DDX6: variants seen among roughly 807,000 people sequenced by gnomAD.
DDX6 encodes the protein DEAD-box helicase 6, also known as probable ATP-dependent RNA helicase DDX6.
DDX6 carries 7 observed loss-of-function variants against 60.6 expected under a neutral mutation model. The observed-to-expected ratio is 0.12, with a 90% CI of 0.07 to 0.22. DDX6 has a LOEUF of 0.22. Among genes scored for constraint, DDX6 ranks in the 10% least tolerant of loss-of-function variants. The pLI is 1.00. For missense variants in DDX6, 270 were observed against 589.9 expected, an observed-to-expected ratio of 0.46 and a Z score of 5.62; for synonymous variants, 207 against 201.0, an observed-to-expected ratio of 1.03 and a Z score of -0.25.
chr11:118,785,882 G>A (rs1862057410), intron 2 of DDX6, 170 bp downstream of exon 2: 8 of 547,284 alleles, frequency 1.5e-5, no homozygotes. Context: ...AATTATGGCA[G>A]AAATATATTA....
chr11:118,787,350 A>C (rs1482429467), intron 1 of DDX6: 1 of 152,306 alleles, frequency 6.6e-6, no homozygotes, highest in Non-Finnish European at 1.5e-5. Context: ...AGCGCCTGTA[A>C]TTCCAGCTAC....
intron 6 of DDX6, among the ~76,000 whole-genome samples, chr11:118,764,587 G>A (rs1861285873): frequency 6.6e-6 from 1 of 151,898 alleles, no homozygotes; most frequent in African/African-American, 2.4e-5. Flanking sequence ...GGTGGATCAC[G>A]AGGTCAGGAG....
Position 118,758,810 on chromosome 11 carries a change from G to C in DDX6, c.957C>G (p.Arg319=), listed in dbSNP as rs369815914. The C allele has an allele frequency of 2.1e-4, 334 of 1,613,532 alleles. No individual in the cohort carries two copies. The highest frequency in any genetic ancestry group is 2.7e-4 in the Non-Finnish European group (314 of 1,179,792). The stretch of plus-strand genomic sequence containing the variant: ...GTGTGTTGAGGCAGTGTACTTTTTG[G>C]CGCTCAGTTACATATGCGTAGTACT... ...VTQYYAYVTE[R]QKVHCLNTLF... Residue 319 remains arginine, a synonymous_variant, in exon 9 of 14, where the codon CGC becomes CGG. Coordinates refer to ENST00000534980, the MANE Select transcript of DDX6 (RefSeq NM_004397.6).
At chr11:118,769,054 G>A (rs1555161880) in intron 4 of DDX6, among the ~76,000 whole-genome samples, 2 of 141,150 alleles carry the variant, frequency 1.4e-5, no homozygotes, top group African/African-American at 5.3e-5. Flanking sequence ...CATTATGGGA[G>A]GCCAAAGCAA....
At position 118,758,911 on chromosome 11, in the gene DDX6, G is replaced by A. The variant is rs1555159589; in HGVS notation, c.865-9C>T. The stretch of plus-strand genomic sequence containing the variant: ...TTCTGCAAATGGGAATTCTGGGGGG[G>A]GAGCGGGAAAAAGATGAGTCGTCGT... On this transcript the variant is annotated splice_polypyrimidine_tract_variant and intron_variant, in intron 8 of 13. Coordinates refer to ENST00000534980, the MANE Select transcript of DDX6 (RefSeq NM_004397.6). 2 of 1,612,490 alleles carry A rather than the reference G, an allele frequency of 1.2e-6. No homozygotes were observed.
Position 118,760,059 on chromosome 11 carries a change from AAAGAC to A in DDX6, c.742-20_742-16del. 6.2e-7 allele frequency: 1 copy of A among 1,608,212 alleles called. No individual in the cohort carries two copies. Among genetic ancestry groups the A allele is most frequent in the South Asian group, 1.1e-5 (1 of 90,168 alleles). Reference sequence around the variant, plus strand: ...AACTTATCTGCCTGCAGTAGAAAGAAAAGACAATTTTAAAAACAATAAAATAATGT... The same window carrying A: ...AACTTATCTGCCTGCAGTAGAAAGAAAATTTTAAAAACAATAAAATAATGT... On this transcript the variant is annotated splice_polypyrimidine_tract_variant and intron_variant, in intron 7 of 13. Coordinates refer to ENST00000534980, the MANE Select transcript of DDX6 (RefSeq NM_004397.6).
intron 3 of DDX6, among the ~76,000 whole-genome samples, chr11:118,780,597 A>G (rs1344930011): frequency 3.3e-5 from 5 of 152,158 alleles, no homozygotes; most frequent in African/African-American, 1.2e-4. Flanking sequence ...GAATACAGGC[A>G]AGAGCCACTG....
intron 1 of DDX6, chr11:118,786,982 T>C (rs1441830149): frequency 1.3e-5 from 2 of 152,230 alleles, no homozygotes; most frequent in Non-Finnish European, 2.9e-5. Flanking sequence ...AAGTGAGCTT[T>C]TGACTTGAAC....
chr11:118,760,544 C>T (rs1012876516), intron 7 of DDX6, among the ~76,000 whole-genome samples: 1 of 152,146 alleles, frequency 6.6e-6, no homozygotes. Context: ...GGGTTCTGGC[C>T]GGGCGCGGTG....
In DDX6 at chr11:118,760,048, C is replaced by T; in HGVS notation, c.742-4G>A. On this transcript the variant is annotated splice_region_variant and splice_polypyrimidine_tract_variant and intron_variant, in intron 7 of 13. Coordinates refer to ENST00000534980, the MANE Select transcript of DDX6 (RefSeq NM_004397.6). The stretch of plus-strand genomic sequence containing the variant: ...CCTGTGACAGCAACTTATCTGCCTG[C>T]AGTAGAAAGAAAAGACAATTTTAAA... 1 of 1,609,404 alleles carries T rather than the reference C, an allele frequency of 6.2e-7. No homozygotes were observed. Among genetic ancestry groups the T allele is most frequent in the Non-Finnish European group, 8.5e-7 (1 of 1,178,672 alleles).
chr11:118,778,345 G>C (rs1301032027), intron 4 of DDX6, among the ~76,000 whole-genome samples: 1 of 152,148 alleles, frequency 6.6e-6, no homozygotes, highest in Non-Finnish European at 1.5e-5. Flanking sequence ...AGTTTCTCAA[G>C]CTCAGCACTA....
chr11:118,786,170 T>G lies in DDX6; in HGVS notation c.82A>C (p.Thr28Pro). Residue 28 changes from threonine to proline, a missense_variant, in exon 2 of 14, where the codon ACT becomes CCT. Thr to Pro is a conservative substitution (Grantham distance 38, BLOSUM62 -1). This residue lies in a region of DDX6 where 102 missense variants were observed against 110.5 expected (regional missense o/e 0.92). Coordinates refer to ENST00000534980, the MANE Select transcript of DDX6 (RefSeq NM_004397.6). Reference sequence around the variant, plus strand: ...GTGCCCCCTCCTCCAGGGCCACCAGTGGGTTTCACAGGGCCTCTCAGCTGA... The same window carrying G: ...GTGCCCCCTCCTCCAGGGCCACCAGGGGGTTTCACAGGGCCTCTCAGCTGA... Reference protein sequence around the residue: ...NGQLRGPVKPTGGPGGGGTQT... With the variant: ...NGQLRGPVKPPGGPGGGGTQT... 1 of 1,613,978 alleles carries G rather than the reference T, an allele frequency of 6.2e-7. No homozygotes were observed.
chr11:118,754,553 C>A (rs1860898113), intron 13 of DDX6, 152 bp downstream of exon 13: 2 of 635,648 alleles, frequency 3.1e-6, no homozygotes, highest in East Asian at 3.0e-5. Flanking sequence ...TACAACCTCC[C>A]ACAAGAGATA....
In DDX6 at chr11:118,781,312, C is replaced by T. The variant is rs1209576555; in HGVS notation, c.201-128G>A. 5.1e-6 allele frequency: 3 copies of T among 592,426 alleles called. No individual in the cohort carries two copies. The African/African-American group carries it at 5.6e-5, about 11-fold the overall frequency. 36.7% of individuals were successfully genotyped at this position (592,426 alleles called of 1,614,324 possible). A position where few individuals can be genotyped will look rare whatever the true frequency, so the allele number is the denominator to read the frequency against. On this transcript the variant is annotated intron_variant, in intron 2 of 13. Coordinates refer to ENST00000534980, the MANE Select transcript of DDX6 (RefSeq NM_004397.6). Reference sequence around the variant, plus strand: ...AATATATTCCATTTAATATATCTAACAAGATAATTAAACAACTTTAGAAAA... The same window carrying T: ...AATATATTCCATTTAATATATCTAATAAGATAATTAAACAACTTTAGAAAA...
At chr11:118,763,861 AAAGAG>A in intron 6 of DDX6, among the ~76,000 whole-genome samples, 1 of 151,772 alleles carries the variant, frequency 6.6e-6, no homozygotes, top group Non-Finnish European at 1.5e-5. Flanking sequence ...AAAAAGAAAG[AAAGAG>A]AAGAAACACA....
chr11:118,789,774 ACCT>A (rs1862203298), intron 1 of DDX6: 1 of 152,188 alleles, frequency 6.6e-6, no homozygotes, highest in Non-Finnish European at 1.5e-5. Flanking sequence ...GCACAGTAAG[ACCT>A]CCTATATCCT....
intron 2 of DDX6, 23 bp downstream of exon 2, chr11:118,786,029 T>C: frequency 1.3e-6 from 2 of 1,598,602 alleles, no homozygotes; most frequent in Non-Finnish European, 1.7e-6. Context: ...AAGTGTTTAT[T>C]AATAATTTAC....
At chr11:118,763,631 C>T (rs578229653) in intron 6 of DDX6, among the ~76,000 whole-genome samples, 4 of 151,954 alleles carry the variant, frequency 2.6e-5, no homozygotes, top group African/African-American at 7.2e-5. Context: ...GTCAGGAGTT[C>T]GAGACCAGCC....
intron 7 of DDX6, among the ~76,000 whole-genome samples, chr11:118,760,429 A>C (rs1316300951): frequency 6.6e-6 from 1 of 152,204 alleles, no homozygotes; most frequent in African/African-American, 2.4e-5. Flanking sequence ...GAGCCTACTG[A>C]GTAGCTAGGA....
Sources: allele counts gnomAD v4.1 joint callset (sites outside exome capture counted in the v4.1 genomes callset), GRCh38; gene constraint gnomAD v4.1.1; regional missense constraint gnomAD v4.1.1; transcripts MANE v1.5; gene names NCBI Gene and HGNC (gene_info 2026-07-23, HGNC 2026-07-21).